The following ELP4 variants were observed in gnomAD, a reference collection of about 807,000 sequenced individuals.
ELP4 encodes the protein elongator acetyltransferase complex subunit 4.
In ELP4, 51 loss-of-function variants were observed where a neutral mutation model predicts 48.9. The ratio of observed to expected loss-of-function variants is 1.04; its 90% CI spans 0.83 to 1.32. ELP4 has a LOEUF of 1.32. Ranked by LOEUF, ELP4 falls within the 40% of genes most tolerant of loss-of-function variation. The probability of loss-of-function intolerance (pLI) is 0.00; values close to 1 mark genes in which losing one functional copy is unlikely to be tolerated. For missense variants in ELP4, 519 were observed against 514.6 expected, an observed-to-expected ratio of 1.01 and a Z score of -0.08; for synonymous variants, 210 against 189.2, an observed-to-expected ratio of 1.11 and a Z score of -0.90.
chr11:31,741,418 C>G (rs969072498), intron 9 of ELP4, among the ~76,000 whole-genome samples: 15 of 152,200 alleles, frequency 9.9e-5, no homozygotes, highest in Non-Finnish European at 1.8e-4. Context: ...CAGCACGCAG[C>G]TTGAGATCTG....
At chr11:31,620,665 T>G (rs1424525105) in intron 5 of ELP4, among the ~76,000 whole-genome samples, 1 of 151,894 alleles carries the variant, frequency 6.6e-6, no homozygotes. Flanking sequence ...GTAGGAGACA[T>G]AGTCTAAAAC....
intron 9 of ELP4, among the ~76,000 whole-genome samples, chr11:31,769,301 T>C (rs1948094132): frequency 6.6e-6 from 1 of 152,136 alleles, no homozygotes; most frequent in Non-Finnish European, 1.5e-5. Flanking sequence ...AGCAAAGACA[T>C]TGGCTATTAT....
chr11:31,620,920 T>A (rs913324215), intron 5 of ELP4, among the ~76,000 whole-genome samples: 1 of 151,852 alleles, frequency 6.6e-6, no homozygotes, highest in Non-Finnish European at 1.5e-5. Context: ...TAGTTGAACA[T>A]CCATGGTGAA....
At chr11:31,559,795 C>T (rs755976184) in intron 3 of ELP4, among the ~76,000 whole-genome samples, 4 of 151,398 alleles carry the variant, frequency 2.6e-5, no homozygotes, top group South Asian at 2.1e-4. Context: ...CCCAGCTACT[C>T]GGGTGGCTGA....
intron 1 of ELP4, chr11:31,510,244 C>T: frequency 1.8e-6 from 1 of 568,730 alleles, no homozygotes; most frequent in Non-Finnish European, 3.1e-6. Context: ...CCTCCAACCC[C>T]TTTTCATATT....
chr11:31,715,090 C>T (rs1322024495), intron 9 of ELP4: 3 of 313,454 alleles, frequency 9.6e-6, no homozygotes, highest in Admixed American at 9.9e-5. Context: ...AGAACCACTT[C>T]GTTGGCTCAG....
intron 9 of ELP4, among the ~76,000 whole-genome samples, chr11:31,738,641 T>TGGGA (rs1947376283): frequency 6.7e-6 from 1 of 148,680 alleles, no homozygotes. Context: ...GAGGTGGAGG[T>TGGGA]GGGAGGATTG....
At chr11:31,568,125 A>G (rs1462605225) in intron 3 of ELP4, among the ~76,000 whole-genome samples, 1 of 152,228 alleles carries the variant, frequency 6.6e-6, no homozygotes, top group Non-Finnish European at 1.5e-5. Context: ...ATACAAAATC[A>G]ATGTATAAAA....
chr11:31,604,997 A>T (rs1456906386), intron 5 of ELP4, among the ~76,000 whole-genome samples: 4 of 152,036 alleles, frequency 2.6e-5, no homozygotes, highest in African/African-American at 9.7e-5. Flanking sequence ...AGAAGTATGA[A>T]GTCCCATTTT....
intron 9 of ELP4, chr11:31,714,638 T>G (rs908569007): frequency 2.5e-6 from 1 of 398,466 alleles, no homozygotes; most frequent in Non-Finnish European, 4.4e-6. Flanking sequence ...CAGGCAGAGG[T>G]CCAAAAAGGG....
intron 6 of ELP4, among the ~76,000 whole-genome samples, chr11:31,631,874 A>G (rs1944868796): frequency 6.6e-6 from 1 of 152,140 alleles, no homozygotes; most frequent in Non-Finnish European, 1.5e-5. Flanking sequence ...GGGGTTTGCA[A>G]GCATTCTAGT....
intron 9 of ELP4, among the ~76,000 whole-genome samples, chr11:31,736,049 G>T (rs147642310): frequency 0.021 from 3,135 of 152,234 alleles, 102 homozygotes; most frequent in African/African-American, 0.071. Flanking sequence ...CAAAGCTGGA[G>T]GCATCATGCT....
At chr11:31,756,193 C>G (rs1394550897) in intron 9 of ELP4, among the ~76,000 whole-genome samples, 2 of 152,110 alleles carry the variant, frequency 1.3e-5, no homozygotes, top group Non-Finnish European at 2.9e-5. Context: ...TCCAGTGTTG[C>G]CCAGCCTGTT....
chr11:31,554,195 T>C (rs1314064499), intron 3 of ELP4, among the ~76,000 whole-genome samples: 8 of 152,142 alleles, frequency 5.3e-5, no homozygotes, highest in African/African-American at 1.7e-4. Flanking sequence ...GTAATAATGA[T>C]AGAAATAAAA....
At chr11:31,674,698 C>G (rs1355860704) in intron 9 of ELP4, among the ~76,000 whole-genome samples, 3 of 152,188 alleles carry the variant, frequency 2.0e-5, no homozygotes, top group Non-Finnish European at 4.4e-5. Context: ...ATAAAAGCCT[C>G]TTCCCTACAA....
intron 7 of ELP4, among the ~76,000 whole-genome samples, chr11:31,639,531 G>A (rs1274348339): frequency 6.6e-6 from 1 of 151,844 alleles, no homozygotes; most frequent in East Asian, 1.9e-4. Context: ...TAGCTTGTGT[G>A]CGTTATACGT....
At chr11:31,513,891 T>G (rs1302316338) in intron 1 of ELP4, among the ~76,000 whole-genome samples, 1 of 152,164 alleles carries the variant, frequency 6.6e-6, no homozygotes, top group East Asian at 1.9e-4. Flanking sequence ...TTTCTGGTTT[T>G]AAGAAAAAAT....
chr11:31,626,904 C>T (rs1944756625), intron 5 of ELP4, among the ~76,000 whole-genome samples: 1 of 151,828 alleles, frequency 6.6e-6, no homozygotes, highest in African/African-American at 2.4e-5. Flanking sequence ...ATGTCAGGAA[C>T]ACTGAGCAAG....
intron 4 of ELP4, among the ~76,000 whole-genome samples, chr11:31,597,200 T>C (rs534927497): frequency 1.7e-4 from 26 of 152,320 alleles, no homozygotes; most frequent in African/African-American, 6.3e-4. Flanking sequence ...ATACAGCAGA[T>C]TTTTTTAACA....
Sources: gnomAD v4.1 joint callset for allele counts (sites outside exome capture counted in the v4.1 genomes callset) on GRCh38, gnomAD v4.1.1 for gene constraint, MANE v1.5 for transcripts, NCBI Gene and HGNC (gene_info 2026-07-23, HGNC 2026-07-21) for gene names.